Variants in AGK observed in about 807,000 individuals in gnomAD.
The protein encoded by AGK is acylglycerol kinase, mitochondrial.
A neutral mutation model predicts 66.4 loss-of-function variants in AGK; 52 were observed. The ratio of observed to expected loss-of-function variants is 0.78; its 90% CI spans 0.63 to 0.99. The LOEUF (loss-of-function observed/expected upper bound fraction) is 0.99. AGK is among the 50% of genes least tolerant of loss of function. The pLI is 0.00. For synonymous variants in AGK, 182 were observed against 181.1 expected (o/e 1.00, Z -0.04); for missense variants, 451 against 506.6 (o/e 0.89, Z 1.05).
chr7:141,611,663 A>G (rs1796592815), intron 6 of AGK, among the ~76,000 whole-genome samples: 1 of 152,230 alleles, frequency 6.6e-6, no homozygotes, highest in African/African-American at 2.4e-5. Flanking sequence ...TAAAATAAAC[A>G]GATATTCAGC....
chr7:141,603,187 G>A (rs1404348740), intron 5 of AGK, among the ~76,000 whole-genome samples: 1 of 152,078 alleles, frequency 6.6e-6, no homozygotes, highest in Non-Finnish European at 1.5e-5. Flanking sequence ...TGTCCTTACT[G>A]ATTTTTTCTT....
chr7:141,604,803 C>T (rs777411436), intron 5 of AGK, among the ~76,000 whole-genome samples: 3 of 151,838 alleles, frequency 2.0e-5, no homozygotes, highest in African/African-American at 4.8e-5. Context: ...AGGATGGTCT[C>T]GATCTCTTGA....
At chr7:141,642,747 G>A (rs1342831134) in intron 13 of AGK, among the ~76,000 whole-genome samples, 1 of 152,170 alleles carries the variant, frequency 6.6e-6, no homozygotes, top group Admixed American at 6.5e-5. Flanking sequence ...TCAAGTTTCA[G>A]TATCCATAAA....
In AGK at chr7:141,601,274, T is replaced by A. The variant is rs754218813; in HGVS notation, c.291T>A (p.Ile97=). The A allele has an allele frequency of 6.2e-7, 1 of 1,612,014 alleles. No individual in the cohort carries two copies. The highest frequency in any genetic ancestry group is 1.1e-5 in the South Asian group (1 of 90,834). Residue 97 remains isoleucine (I), a synonymous_variant, in exon 5 of 16, where the codon ATT becomes ATA. Transcript: ENST00000649286. ...ATTTATCTGGCATGGATGTGACTAT[T>A]GTTAAGGTAAGAATGGCTCCTGAAT... The part of the protein sequence containing the change: ...ILHLSGMDVT[I]VKTDYEGQAK...
At chr7:141,589,875 T>C (rs1367140516) in intron 2 of AGK, among the ~76,000 whole-genome samples, 6 of 152,166 alleles carry the variant, frequency 3.9e-5, no homozygotes, top group Admixed American at 3.9e-4. Context: ...TTAAGTATGA[T>C]TATAATGAGA....
chr7:141,585,214 C>T (rs1351118749), intron 2 of AGK, among the ~76,000 whole-genome samples: 1 of 152,202 alleles, frequency 6.6e-6, no homozygotes, highest in Non-Finnish European at 1.5e-5. Context: ...TGCATTTCCT[C>T]CTGCTGGATC....
At chr7:141,580,034 T>G (rs1368600472) in intron 2 of AGK, among the ~76,000 whole-genome samples, 1 of 151,968 alleles carries the variant, frequency 6.6e-6, no homozygotes. Context: ...AGTGAATGAC[T>G]CCAGCTTCCT....
At chr7:141,626,281 A>C (rs1204952095) in intron 9 of AGK, among the ~76,000 whole-genome samples, 1 of 152,224 alleles carries the variant, frequency 6.6e-6, no homozygotes, top group African/African-American at 2.4e-5. Flanking sequence ...AGAATCCATG[A>C]GTTTCCAGTG....
intron 2 of AGK, among the ~76,000 whole-genome samples, chr7:141,575,585 A>G (rs901130827): frequency 6.9e-6 from 1 of 144,312 alleles, no homozygotes; most frequent in Non-Finnish European, 1.5e-5. Flanking sequence ...ATTTCTAAGG[A>G]CTCTTCCAAT....
At chr7:141,579,755 A>G (rs1795843384) in intron 2 of AGK, among the ~76,000 whole-genome samples, 1 of 152,010 alleles carries the variant, frequency 6.6e-6, no homozygotes, top group African/African-American at 2.4e-5. Context: ...TATAACCTAC[A>G]TGGAAGAGGC....
chr7:141,651,952 A>C (rs1797571332), intron 15 of AGK, among the ~76,000 whole-genome samples: 1 of 152,238 alleles, frequency 6.6e-6, no homozygotes, highest in Non-Finnish European at 1.5e-5. Flanking sequence ...CTAGCTGGCA[A>C]ATGTTAATAG....
At chr7:141,572,796 C>G (rs1164237780) in intron 2 of AGK, among the ~76,000 whole-genome samples, 25 of 151,560 alleles carry the variant, frequency 1.6e-4, no homozygotes, top group Non-Finnish European at 1.5e-5. Flanking sequence ...GAAACCCCGA[C>G]AGGCTATGGG....
intron 5 of AGK, among the ~76,000 whole-genome samples, chr7:141,604,403 T>TATATACAC (rs1301537652): frequency 2.1e-5 from 3 of 141,502 alleles, no homozygotes; most frequent in African/African-American, 5.2e-5. Flanking sequence ...TATATATATA[T>TATATACAC]ACACATACAT....
At chr7:141,632,874 C>G (rs1490227165) in intron 9 of AGK, among the ~76,000 whole-genome samples, 1 of 152,188 alleles carries the variant, frequency 6.6e-6, no homozygotes, top group Non-Finnish European at 1.5e-5. Context: ...GTTTGATTCT[C>G]CTAGAAATTT....
At chr7:141,589,877 ATAATGAGATCTTCTTT>A (rs1273500167) in intron 2 of AGK, among the ~76,000 whole-genome samples, 1 of 152,218 alleles carries the variant, frequency 6.6e-6, no homozygotes, top group Non-Finnish European at 1.5e-5. Context: ...AAGTATGATT[ATAATGAGATCTTCTTT>A]TGTAATATCA....
At chr7:141,613,984 T>C (rs1465271293) in intron 6 of AGK, among the ~76,000 whole-genome samples, 162 bp from the exon 7 acceptor site, 1 of 152,216 alleles carries the variant, frequency 6.6e-6, no homozygotes, top group Non-Finnish European at 1.5e-5. Flanking sequence ...GCTCTGATTC[T>C]ATTGGAGAAT....
At chr7:141,599,322 G>A (rs1796293248) in intron 4 of AGK, 1 of 151,974 alleles carries the variant, frequency 6.6e-6, no homozygotes, top group Non-Finnish European at 1.5e-5. Context: ...TTTTGTATGT[G>A]CCTGAGTCTG....
Position 141,652,934 on chromosome 7 carries a change from G to A in AGK, c.*10G>A. The A allele has an allele frequency of 6.2e-7, 1 of 1,613,728 alleles. No homozygotes were observed. Among genetic ancestry groups the A allele is most frequent in the Non-Finnish European group, 8.5e-7 (1 of 1,179,930 alleles). The stretch of plus-strand genomic sequence containing the variant: ...AAGCCCCACCCAGTGAGCAGCAGAA[G>A]ACAAGCACTCTGAGACCACACTTTA... On this transcript the variant is annotated 3_prime_UTR_variant, in exon 16 of 16. Transcript: ENST00000649286.
intron 12 of AGK, among the ~76,000 whole-genome samples, 179 bp from the exon 13 acceptor site, chr7:141,641,632 T>C (rs1419398732): frequency 6.6e-6 from 1 of 152,152 alleles, no homozygotes; most frequent in Non-Finnish European, 1.5e-5. Flanking sequence ...GGTAGTGATG[T>C]TTTAGGCACA....
Sources: allele counts gnomAD v4.1 joint callset (sites outside exome capture counted in the v4.1 genomes callset), GRCh38; gene constraint gnomAD v4.1.1; transcripts MANE v1.5; gene names NCBI Gene and HGNC (gene_info 2026-07-23, HGNC 2026-07-21).